The following EPHB1 variants were observed in gnomAD, a reference collection of about 807,000 sequenced individuals.
The protein encoded by EPHB1 is EPH receptor B1.
A neutral mutation model predicts 94.4 loss-of-function variants in EPHB1; 30 were observed. That is an observed-to-expected ratio of 0.32 (90% CI 0.24 to 0.43). The LOEUF (loss-of-function observed/expected upper bound fraction) is 0.43, where lower values mean the gene tolerates loss of function less well. EPHB1 is among the 20% of genes least tolerant of loss of function. EPHB1 has a pLI of 1.00. For missense variants in EPHB1, 1,055 were observed against 1,308.3 expected, an observed-to-expected ratio of 0.81 and a Z score of 2.99; for synonymous variants, 522 against 489.1, an observed-to-expected ratio of 1.07 and a Z score of -0.89.
chr3:135,243,747 G>A (rs540120989), intron 13 of EPHB1, among the ~76,000 whole-genome samples: 9 of 152,288 alleles, frequency 5.9e-5, no homozygotes, highest in African/African-American at 1.9e-4. Flanking sequence ...TTGGAGTGCC[G>A]GTAATTAGGC....
At chr3:135,038,457 G>A (rs1452282808) in intron 3 of EPHB1, among the ~76,000 whole-genome samples, 1 of 152,214 alleles carries the variant, frequency 6.6e-6, no homozygotes, top group Non-Finnish European at 1.5e-5. Flanking sequence ...TGAAACTTCA[G>A]GGAGAGAGAG....
At chr3:135,153,954 T>C (rs1464429889) in intron 5 of EPHB1, among the ~76,000 whole-genome samples, 198 bp from the exon 6 acceptor site, 2 of 152,196 alleles carry the variant, frequency 1.3e-5, no homozygotes, top group African/African-American at 4.8e-5. Flanking sequence ...AAATGCTACC[T>C]TCTCTCTCCT....
At chr3:134,838,917 C>T (rs938402839) in intron 1 of EPHB1, among the ~76,000 whole-genome samples, 7 of 152,146 alleles carry the variant, frequency 4.6e-5, no homozygotes, top group African/African-American at 1.7e-4. Flanking sequence ...ATAAAAGCAT[C>T]AAGAACAAAA....
chr3:134,945,134 A>G (rs2039192599), intron 2 of EPHB1, among the ~76,000 whole-genome samples: 1 of 152,208 alleles, frequency 6.6e-6, no homozygotes. Context: ...TTTATATATT[A>G]GGGGATATTA....
intron 12 of EPHB1, among the ~76,000 whole-genome samples, chr3:135,228,763 T>C (rs919192357): frequency 2.0e-4 from 14 of 71,586 alleles, no homozygotes; most frequent in Non-Finnish European, 6.2e-4. Context: ...GTGGGACCCT[T>C]GGCTGACAGG....
intron 3 of EPHB1, among the ~76,000 whole-genome samples, chr3:135,045,994 T>G (rs1936986602): frequency 6.6e-6 from 1 of 152,240 alleles, no homozygotes; most frequent in Non-Finnish European, 1.5e-5. Context: ...ATGAATTTTC[T>G]TCATGTAATT....
At chr3:134,987,132 A>C (rs1260844265) in intron 3 of EPHB1, among the ~76,000 whole-genome samples, 1 of 152,174 alleles carries the variant, frequency 6.6e-6, no homozygotes, top group Non-Finnish European at 1.5e-5. Context: ...ATGCCTAAAT[A>C]ATAGTAATAA....
chr3:135,100,338 T>C (rs1391028035), intron 3 of EPHB1, among the ~76,000 whole-genome samples: 1 of 152,184 alleles, frequency 6.6e-6, no homozygotes, highest in Non-Finnish European at 1.5e-5. Flanking sequence ...TAAAATAATA[T>C]TTTGAGGTCT....
intron 9 of EPHB1, among the ~76,000 whole-genome samples, 176 bp from the exon 10 acceptor site, chr3:135,179,684 C>G (rs1282676752): frequency 6.6e-6 from 1 of 151,932 alleles, no homozygotes. Context: ...CTAGAATGAC[C>G]CAGAAGGAAG....
At chr3:134,924,721 AAAGAAATTAG>A (rs1360127810) in intron 1 of EPHB1, among the ~76,000 whole-genome samples, 1 of 152,260 alleles carries the variant, frequency 6.6e-6, no homozygotes, top group East Asian at 1.9e-4. Flanking sequence ...TCAGCAATAA[AAAGAAATTAG>A]CTATTGGTAT....
chr3:134,801,618 T>G (rs2035937129), intron 1 of EPHB1, among the ~76,000 whole-genome samples: 1 of 152,256 alleles, frequency 6.6e-6, no homozygotes, highest in Non-Finnish European at 1.5e-5. Flanking sequence ...GCATTCGATG[T>G]CTGCCCTTCT....
At chr3:134,858,149 CCATCATCATCATCAT>C (rs71139558) in intron 1 of EPHB1, among the ~76,000 whole-genome samples, 20 of 148,432 alleles carry the variant, frequency 1.3e-4, no homozygotes, top group South Asian at 6.7e-4. Context: ...TTTTATTGTT[CCATCATCATCATCAT>C]CATCATCATC....
chr3:134,818,525 C>G (rs1016935245), intron 1 of EPHB1, among the ~76,000 whole-genome samples: 1 of 152,296 alleles, frequency 6.6e-6, no homozygotes, highest in East Asian at 1.9e-4. Context: ...CCCTTGCCCC[C>G]CTTCAACTCT....
chr3:134,916,805 C>T (rs904761602), intron 1 of EPHB1, among the ~76,000 whole-genome samples: 1 of 152,164 alleles, frequency 6.6e-6, no homozygotes, highest in Non-Finnish European at 1.5e-5. Flanking sequence ...GAGAAGGGCT[C>T]CCAAGGTGCA....
At chr3:134,958,726 C>T (rs1259945181) in intron 3 of EPHB1, among the ~76,000 whole-genome samples, 3 of 152,260 alleles carry the variant, frequency 2.0e-5, no homozygotes, top group African/African-American at 7.2e-5. Context: ...ACCCAGCGAC[C>T]CCCAGAGAGG....
intron 9 of EPHB1, among the ~76,000 whole-genome samples, 175 bp from the exon 10 acceptor site, chr3:135,179,685 C>T (rs1365406260): frequency 6.6e-6 from 1 of 152,072 alleles, no homozygotes. Flanking sequence ...TAGAATGACC[C>T]AGAAGGAAGG....
intron 15 of EPHB1, among the ~76,000 whole-genome samples, chr3:135,252,685 C>A (rs75922751): frequency 8.0e-6 from 1 of 124,700 alleles, no homozygotes; most frequent in Non-Finnish European, 1.8e-5. Context: ...TACGTTTGCA[C>A]GTGTCTTTAT....
chr3:134,910,332 A>G (rs11707204), intron 1 of EPHB1, among the ~76,000 whole-genome samples: 24,350 of 152,128 alleles, frequency 0.16, 2,353 homozygotes, highest in Middle Eastern at 0.31. Flanking sequence ...TTTGCCCCCC[A>G]CTGTGGAAAA....
chr3:135,003,342 G>C (rs1037449470), intron 3 of EPHB1, among the ~76,000 whole-genome samples: 2 of 151,992 alleles, frequency 1.3e-5, no homozygotes, highest in African/African-American at 4.8e-5. Flanking sequence ...TACAATTTCT[G>C]TTCTTTTACC....
Sources: allele counts gnomAD v4.1 joint callset (sites outside exome capture counted in the v4.1 genomes callset), GRCh38; gene constraint gnomAD v4.1.1; transcripts MANE v1.5; gene names NCBI Gene and HGNC (gene_info 2026-07-23, HGNC 2026-07-21).